The following IGSF21 variants were observed in gnomAD, a reference collection of about 807,000 sequenced individuals.
IGSF21 encodes immunoglobulin superfamily member 21.
In IGSF21, 28 loss-of-function variants were observed where a neutral mutation model predicts 46.8. The ratio of observed to expected loss-of-function variants is 0.60; its 90% CI spans 0.44 to 0.82. The LOEUF (loss-of-function observed/expected upper bound fraction) is 0.82, where lower values mean the gene tolerates loss of function less well. Among genes scored for constraint, IGSF21 ranks in the 40% least tolerant of loss-of-function variants. The probability of loss-of-function intolerance (pLI) is 0.00; values close to 1 mark genes in which losing one functional copy is unlikely to be tolerated. For missense variants in IGSF21, 624 were observed against 665.5 expected, an observed-to-expected ratio of 0.94 and a Z score of 0.69; for synonymous variants, 284 against 273.6, an observed-to-expected ratio of 1.04 and a Z score of -0.38.
chr1:18,141,332 G>A (rs532209445), intron 1 of IGSF21, among the ~76,000 whole-genome samples: 40 of 152,346 alleles, frequency 2.6e-4, no homozygotes, highest in Non-Finnish European at 4.4e-4. Context: ...GTGGGCCAAA[G>A]TTTTGCCCAC....
At chr1:18,320,943 G>A (rs1337213728) in intron 3 of IGSF21, among the ~76,000 whole-genome samples, 1 of 152,194 alleles carries the variant, frequency 6.6e-6, no homozygotes, top group African/African-American at 2.4e-5. Flanking sequence ...CTCCCTGCAG[G>A]AAACTGGGCT....
Position 18,376,968 on chromosome 1 carries a change from A to G in IGSF21, c.1270A>G (p.Thr424Ala), listed in dbSNP as rs774978066. 2 of 1,597,078 alleles carry G rather than the reference A, an allele frequency of 1.3e-6. No individual in the cohort carries two copies. The highest frequency in any genetic ancestry group is 8.6e-7 in the Non-Finnish European group (1 of 1,166,610). ...CCAGAACCCACTGGGCTCCACCGAC[A>G]CGCACACCCGGCTCATCGTGTTTGG... ...TAQNPLGSTD[T>A]HTRLIVFENP... Residue 424 changes from threonine (T) to alanine (A), a missense_variant, in exon 8 of 10, where the codon ACG (threonine) becomes GCG (alanine). Coordinates refer to ENST00000251296, the MANE Select transcript of IGSF21 (RefSeq NM_032880.5).
chr1:18,360,093 T>C (rs2086083616), intron 4 of IGSF21, among the ~76,000 whole-genome samples: 1 of 152,192 alleles, frequency 6.6e-6, no homozygotes, highest in African/African-American at 2.4e-5. Flanking sequence ...TGTTAAGAAC[T>C]CAGAACAGGT....
At chr1:18,118,605 G>A (rs896026179) in intron 1 of IGSF21, among the ~76,000 whole-genome samples, 2 of 152,150 alleles carry the variant, frequency 1.3e-5, no homozygotes, top group Non-Finnish European at 2.9e-5. Context: ...GGTGGGGGGC[G>A]GCAAAGGCAG....
At chr1:18,233,669 G>A (rs2084648336) in intron 2 of IGSF21, among the ~76,000 whole-genome samples, 1 of 152,122 alleles carries the variant, frequency 6.6e-6, no homozygotes, top group Non-Finnish European at 1.5e-5. Flanking sequence ...ATCTAGAGAG[G>A]GAAATTATAG....
At chr1:18,277,597 G>C (rs187313551) in intron 2 of IGSF21, among the ~76,000 whole-genome samples, 123 of 152,334 alleles carry the variant, frequency 8.1e-4, no homozygotes, top group African/African-American at 2.6e-3. Context: ...GCAGCTTGAA[G>C]CATAGCAGAG....
intron 1 of IGSF21, among the ~76,000 whole-genome samples, chr1:18,146,135 T>C (rs1243822897): frequency 1.3e-5 from 2 of 152,220 alleles, no homozygotes; most frequent in African/African-American, 4.8e-5. Context: ...AGTGCCATAC[T>C]GTAAGGAAAC....
intron 1 of IGSF21, among the ~76,000 whole-genome samples, chr1:18,193,950 C>T (rs921635801): frequency 1.3e-5 from 2 of 152,166 alleles, no homozygotes; most frequent in African/African-American, 4.8e-5. Context: ...CACTTGAGGA[C>T]ATTCAGGAAT....
chr1:18,237,744 C>T (rs919935344), intron 2 of IGSF21, among the ~76,000 whole-genome samples: 11 of 152,204 alleles, frequency 7.2e-5, no homozygotes, highest in East Asian at 3.9e-4. Context: ...TTTATTTTTC[C>T]GCTTCTCCTA....
At chr1:18,344,913 G>A (rs1165103257) in intron 4 of IGSF21, among the ~76,000 whole-genome samples, 2 of 152,184 alleles carry the variant, frequency 1.3e-5, no homozygotes, top group African/African-American at 4.8e-5. Context: ...GAGCCAGGCT[G>A]CTGCTCCACA....
At chr1:18,355,852 T>TTTTA (rs2086011509) in intron 4 of IGSF21, among the ~76,000 whole-genome samples, 1 of 80,800 alleles carries the variant, frequency 1.2e-5, no homozygotes, top group African/African-American at 5.4e-5. Context: ...TTTTTTTTTT[T>TTTTA]GAGACGGAGT....
intron 1 of IGSF21, among the ~76,000 whole-genome samples, chr1:18,168,707 C>T (rs1053514040): frequency 6.6e-6 from 1 of 152,200 alleles, no homozygotes; most frequent in African/African-American, 2.4e-5. Flanking sequence ...GCATGCCAGG[C>T]ACTTTACACA....
At chr1:18,201,033 T>C (rs2087068759) in intron 1 of IGSF21, among the ~76,000 whole-genome samples, 1 of 152,188 alleles carries the variant, frequency 6.6e-6, no homozygotes, top group Non-Finnish European at 1.5e-5. Context: ...GCAAAGATAG[T>C]GTCCCTTTCT....
intron 2 of IGSF21, among the ~76,000 whole-genome samples, chr1:18,282,651 C>CAA (rs2085173131): frequency 6.6e-6 from 1 of 151,802 alleles, no homozygotes; most frequent in Non-Finnish European, 1.5e-5. Context: ...CACACACACA[C>CAA]ACACACACAC....
intron 4 of IGSF21, among the ~76,000 whole-genome samples, chr1:18,348,334 C>T (rs2085915839): frequency 6.6e-6 from 1 of 152,210 alleles, no homozygotes; most frequent in Admixed American, 6.5e-5. Flanking sequence ...GGGCCCTCAC[C>T]AACTCCCTGG....
At chr1:18,143,047 C>A (rs2086432682) in intron 1 of IGSF21, among the ~76,000 whole-genome samples, 1 of 152,204 alleles carries the variant, frequency 6.6e-6, no homozygotes, top group Non-Finnish European at 1.5e-5. Context: ...TGGGCCTTCT[C>A]TCAGGGACAG....
At position 18,365,499 on chromosome 1, in the gene IGSF21, G is replaced by T; in HGVS notation, c.817G>T (p.Glu273Ter). ...ENIPETVVSR[E>*]FPRWVHSAEP... is the part of the protein sequence containing the mutation. Reference sequence around the variant, plus strand: ...CATACCAGAGACGGTCGTGAGCCGTGAGTTTCCCCGCTGGGTCCACAGCGC... The same window carrying T: ...CATACCAGAGACGGTCGTGAGCCGTTAGTTTCCCCGCTGGGTCCACAGCGC... Residue 273 changes from glutamate (E) to a stop codon, truncating the protein, a stop_gained, in exon 6 of 10, where the codon GAG (glutamate) becomes TAG (stop). Transcript: ENST00000251296. LOFTEE classifies it high-confidence loss of function. The surrounding 1 kb of genome is among the most constrained non-coding windows in gnomAD (Gnocchi z 4.8). 1 of 1,613,926 alleles carries T rather than the reference G, an allele frequency of 6.2e-7. No homozygotes were observed. The highest frequency in any genetic ancestry group is 8.5e-7 in the Non-Finnish European group (1 of 1,180,004).
intron 1 of IGSF21, among the ~76,000 whole-genome samples, chr1:18,201,328 C>A (rs753455000): frequency 1.3e-5 from 2 of 152,206 alleles, no homozygotes; most frequent in Admixed American, 6.5e-5. Flanking sequence ...TGTGCCAGCA[C>A]TGGGGAGCCA....
chr1:18,326,175 G>C (rs1266681), intron 3 of IGSF21, among the ~76,000 whole-genome samples: 1 of 152,156 alleles, frequency 6.6e-6, no homozygotes, highest in African/African-American at 2.4e-5. Context: ...TGTCCAGGTG[G>C]AGCAGGCATT....
Sources: gnomAD v4.1 joint callset for allele counts (sites outside exome capture counted in the v4.1 genomes callset) on GRCh38, gnomAD v4.1.1 for gene constraint, Gnocchi (gnomAD v3.1) non-coding constraint, MANE v1.5 for transcripts, NCBI Gene and HGNC (gene_info 2026-07-23, HGNC 2026-07-21) for gene names.